Variants in NRG1 observed in about 807,000 individuals in gnomAD.
The protein encoded by NRG1 is neuregulin 1.
Under a neutral mutation model 63.8 loss-of-function variants are expected in NRG1, and 18 were observed. The ratio of observed to expected loss-of-function variants is 0.28; its 90% CI spans 0.19 to 0.42. NRG1 has a LOEUF of 0.42. Ranked by LOEUF, NRG1 falls within the 10% of genes least tolerant of loss-of-function variation. The probability of loss-of-function intolerance (pLI) is 1.00; values close to 1 mark genes in which losing one functional copy is unlikely to be tolerated. For synonymous variants in NRG1, 302 were observed against 301.3 expected (o/e 1.00, Z -0.02); for missense variants, 762 against 814.7 (o/e 0.94, Z 0.79).
At chr8:31,876,093 A>G (rs1829897656) in intron 1 of NRG1, among the ~76,000 whole-genome samples, 1 of 152,184 alleles carries the variant, frequency 6.6e-6, no homozygotes, top group Non-Finnish European at 1.5e-5. Context: ...TTGATCACAG[A>G]AGCATCTAGA....
At chr8:32,645,637 A>G in intron 5 of NRG1, among the ~76,000 whole-genome samples, 1 of 152,210 alleles carries the variant, frequency 6.6e-6, no homozygotes, top group Admixed American at 6.5e-5. Context: ...CTTGAATTCT[A>G]AATTTTACTG....
chr8:32,149,314 C>G (rs1489274290), intron 1 of NRG1, among the ~76,000 whole-genome samples: 1 of 152,132 alleles, frequency 6.6e-6, no homozygotes, highest in Non-Finnish European at 1.5e-5. Context: ...GAGTTTCTTT[C>G]CCATCTTAGT....
At chr8:31,929,136 A>G (rs1834659814) in intron 1 of NRG1, among the ~76,000 whole-genome samples, 1 of 152,208 alleles carries the variant, frequency 6.6e-6, no homozygotes, top group Admixed American at 6.5e-5. Flanking sequence ...TGGAAAATAA[A>G]ACACAGGTTC....
chr8:32,277,362 C>G (rs891398930), intron 1 of NRG1, among the ~76,000 whole-genome samples: 1 of 152,122 alleles, frequency 6.6e-6, no homozygotes, highest in Non-Finnish European at 1.5e-5. Context: ...GTAAGTTCAT[C>G]TCAGGACAAG....
At chr8:32,627,784 A>G (rs1297499675) in intron 5 of NRG1, among the ~76,000 whole-genome samples, 2 of 152,248 alleles carry the variant, frequency 1.3e-5, no homozygotes, top group Non-Finnish European at 2.9e-5. Flanking sequence ...TTATAAAACA[A>G]AAATTTTGCC....
At chr8:32,015,550 A>G (rs1815385192) in intron 1 of NRG1, among the ~76,000 whole-genome samples, 1 of 152,182 alleles carries the variant, frequency 6.6e-6, no homozygotes, top group Non-Finnish European at 1.5e-5. Context: ...TTGGTGAATT[A>G]TCCATACACT....
chr8:32,595,599 G>T (rs2129537239), intron 1 of NRG1, among the ~76,000 whole-genome samples: 1 of 152,174 alleles, frequency 6.6e-6, no homozygotes, highest in African/African-American at 2.4e-5. Context: ...TTTTTTTAAG[G>T]AATAATTTTC....
chr8:32,117,979 T>C (rs185773531), intron 1 of NRG1, among the ~76,000 whole-genome samples: 1 of 152,162 alleles, frequency 6.6e-6, no homozygotes, highest in Non-Finnish European at 1.5e-5. Context: ...ATTCATTTAC[T>C]TTTAATTCAG....
intron 1 of NRG1, among the ~76,000 whole-genome samples, chr8:32,353,531 G>A (rs887699317): frequency 1.3e-5 from 2 of 152,040 alleles, no homozygotes; most frequent in Non-Finnish European, 2.9e-5. Flanking sequence ...ACACTTTGTC[G>A]AAGATATATG....
chr8:32,760,147 T>G (rs552027251), intron 10 of NRG1, 53 bp from the exon 11 acceptor site: 2 of 1,598,422 alleles, frequency 1.3e-6, no homozygotes, highest in South Asian at 1.1e-5. Context: ...TCCATTTTTT[T>G]GCATATAATT....
In NRG1 at chr8:32,614,499, A is replaced by G. The variant is rs1319291398; in HGVS notation, c.401-15A>G. The G allele has an allele frequency of 3.7e-6, 6 of 1,608,870 alleles. 1 individual carries two copies. In the East Asian group the frequency reaches 1.1e-4, roughly 30 times the overall value. On this transcript the variant is annotated splice_polypyrimidine_tract_variant and intron_variant, in intron 3 of 11. Transcript: ENST00000356819. ...TGTTTATATATCATAATGTCCTATC[A>G]CCTTTTTTTTTCAGAGATCATCACT...
intron 1 of NRG1, among the ~76,000 whole-genome samples, chr8:31,882,870 G>T (rs1172051253): frequency 6.6e-6 from 1 of 152,138 alleles, no homozygotes; most frequent in South Asian, 2.1e-4. Context: ...GTTTCTTACA[G>T]ATGAGCAAAA....
At chr8:32,430,020 G>A (rs1386290764) in intron 1 of NRG1, among the ~76,000 whole-genome samples, 5 of 152,094 alleles carry the variant, frequency 3.3e-5, no homozygotes. Flanking sequence ...TGCACTATAG[G>A]TTCAAATAGG....
intron 5 of NRG1, among the ~76,000 whole-genome samples, chr8:32,702,473 C>T (rs1051177495): frequency 1.3e-5 from 2 of 152,164 alleles, no homozygotes; most frequent in African/African-American, 2.4e-5. Context: ...ATATGATTCT[C>T]TTGTCGGTAT....
At chr8:31,823,877 A>T (rs10100952) in intron 1 of NRG1, among the ~76,000 whole-genome samples, 109,759 of 152,102 alleles carry the variant, frequency 0.72, 40,364 homozygotes, top group East Asian at 0.99. Flanking sequence ...GAATAATTTA[A>T]AGACATACAA....
At chr8:31,944,770 A>G (rs1227390463) in intron 1 of NRG1, among the ~76,000 whole-genome samples, 1 of 152,196 alleles carries the variant, frequency 6.6e-6, no homozygotes, top group East Asian at 1.9e-4. Flanking sequence ...TCCGCATGCA[A>G]TTAGTGGATC....
chr8:32,605,378 T>C (rs1363932119), intron 2 of NRG1, among the ~76,000 whole-genome samples, 184 bp from the exon 3 acceptor site: 1 of 152,192 alleles, frequency 6.6e-6, no homozygotes, highest in Non-Finnish European at 1.5e-5. Context: ...TTAAATGTGA[T>C]GCATCTTACT....
intron 5 of NRG1, among the ~76,000 whole-genome samples, chr8:32,637,000 G>GAA (rs941917928): frequency 2.0e-5 from 3 of 152,072 alleles, no homozygotes; most frequent in Admixed American, 6.6e-5. Context: ...CATAGGTAAT[G>GAA]AGTTTTATAA....
At chr8:31,885,692 C>T (rs922361398) in intron 1 of NRG1, among the ~76,000 whole-genome samples, 4 of 152,056 alleles carry the variant, frequency 2.6e-5, no homozygotes, top group African/African-American at 4.8e-5. Context: ...AAGCCTAGTA[C>T]AGTTAGTATG....
Sources: gnomAD v4.1 joint callset for allele counts (sites outside exome capture counted in the v4.1 genomes callset) on GRCh38, gnomAD v4.1.1 for gene constraint, MANE v1.5 for transcripts, NCBI Gene and HGNC (gene_info 2026-07-23, HGNC 2026-07-21) for gene names.